BLTP2: variants seen among roughly 807,000 people sequenced by gnomAD.
The protein encoded by BLTP2 is bridge-like lipid transfer protein family member 2.
the BLTP2 span, chr17:28,632,036 A>G: frequency 1.2e-6 from 2 of 1,611,262 alleles, no homozygotes; most frequent in Non-Finnish European, 1.7e-6. Flanking sequence ...CAGCAGGGAC[A>G]TCAGTGCCTT....
At chr17:28,615,368 A>G in the BLTP2 span, 1 of 864,434 alleles carries the variant, frequency 1.2e-6, no homozygotes, top group Middle Eastern at 2.7e-4. Flanking sequence ...GGCAATTCAC[A>G]TACAATGGTC....
the BLTP2 span, chr17:28,634,508 A>C: frequency 6.2e-7 from 1 of 1,605,354 alleles, no homozygotes; most frequent in Non-Finnish European, 8.5e-7. Context: ...TAAAGGAAAC[A>C]CTACTTACCC....
chr17:28,620,705 T>G, the BLTP2 span: 1 of 1,530,530 alleles, frequency 6.5e-7, no homozygotes, highest in Non-Finnish European at 8.9e-7. Context: ...TAACCCACAT[T>G]TGGAACCACC....
At chr17:28,623,782 T>C in the BLTP2 span, 4 of 1,614,040 alleles carry the variant, frequency 2.5e-6, no homozygotes, top group Admixed American at 3.3e-5. Flanking sequence ...CTGTCGGCCA[T>C]CCTGCTCTGT....
At chr17:28,620,197 T>C in the BLTP2 span, 10 of 658,398 alleles carry the variant, frequency 1.5e-5, no homozygotes, top group Non-Finnish European at 2.3e-5. Flanking sequence ...GATTTCACAA[T>C]AGGTCAGGCC....
At chr17:28,645,149 G>T in the BLTP2 span, 1 of 1,049,044 alleles carries the variant, frequency 9.5e-7, no homozygotes, top group Non-Finnish European at 1.3e-6. Flanking sequence ...CCGACCAGCT[G>T]CGCGCGCAGG....
the BLTP2 span, among the ~76,000 whole-genome samples, chr17:28,618,475 C>T: frequency 6.6e-6 from 1 of 152,074 alleles, no homozygotes; most frequent in South Asian, 2.1e-4. Flanking sequence ...CTCAGCCTCC[C>T]AAAGTTATGG....
chr17:28,635,183 G>A, the BLTP2 span: 1 of 1,613,938 alleles, frequency 6.2e-7, no homozygotes, highest in African/African-American at 1.3e-5. Flanking sequence ...GGGTTCCGGT[G>A]GAGGATCATC....
the BLTP2 span, chr17:28,634,633 T>G: frequency 2.5e-6 from 4 of 1,614,056 alleles, no homozygotes; most frequent in Non-Finnish European, 3.4e-6. Flanking sequence ...TACCACATGC[T>G]CAGGACCATG....
chr17:28,631,608 G>C, the BLTP2 span: 5 of 1,613,934 alleles, frequency 3.1e-6, no homozygotes, highest in African/African-American at 2.7e-5. Flanking sequence ...TCAGGTGAAC[G>C]GTCACCTGAC....
chr17:28,642,326 A>G, the BLTP2 span: 21 of 1,614,044 alleles, frequency 1.3e-5, no homozygotes, highest in African/African-American at 2.1e-4. Context: ...AGCTCACCTC[A>G]CAGATTAGCC....
At chr17:28,623,159 AT>A in the BLTP2 span, among the ~76,000 whole-genome samples, 1 of 152,196 alleles carries the variant, frequency 6.6e-6, no homozygotes, top group Non-Finnish European at 1.5e-5. Context: ...AAAAAAAAAA[AT>A]AAGAGTACTT....
chr17:28,623,635 G>A, the BLTP2 span: 1 of 759,504 alleles, frequency 1.3e-6, no homozygotes, highest in South Asian at 1.8e-5. Context: ...CCACATTCAA[G>A]GTGTTATTAG....
the BLTP2 span, chr17:28,645,067 G>C: frequency 6.3e-7 from 1 of 1,586,078 alleles, no homozygotes; most frequent in Non-Finnish European, 8.6e-7. Flanking sequence ...TTAGGTCCGG[G>C]TCCGGCCCGG....
At chr17:28,629,084 AT>A in the BLTP2 span, among the ~76,000 whole-genome samples, 2 of 150,264 alleles carry the variant, frequency 1.3e-5, no homozygotes, top group South Asian at 2.1e-4. Flanking sequence ...TTCCTCTAAA[AT>A]TTTTTTTTTA....
the BLTP2 span, chr17:28,616,797 A>G: frequency 3.1e-6 from 5 of 1,613,142 alleles, no homozygotes; most frequent in Non-Finnish European, 3.4e-6. The surrounding 1 kb of genome is among the most constrained non-coding windows in gnomAD (Gnocchi z 4.8). Context: ...CTCAGATACC[A>G]TCATCAGTTT....
the BLTP2 span, chr17:28,631,433 CCTA>C: frequency 4.5e-6 from 7 of 1,544,612 alleles, no homozygotes; most frequent in Admixed American, 1.0e-4. Flanking sequence ...GGCTGAGATA[CCTA>C]CTAATATAAA....
the BLTP2 span, chr17:28,633,886 T>C: frequency 1.9e-6 from 3 of 1,613,702 alleles, no homozygotes; most frequent in African/African-American, 1.3e-5. Context: ...CTGCCTCATC[T>C]CTACTCACAG....
chr17:28,618,900 A>T, the BLTP2 span: 1 of 1,614,154 alleles, frequency 6.2e-7, no homozygotes, highest in Non-Finnish European at 8.5e-7. Flanking sequence ...GCGACGGACC[A>T]CACTCACATC....
Sources: allele counts gnomAD v4.1 joint callset (sites outside exome capture counted in the v4.1 genomes callset), GRCh38; gene constraint gnomAD v4.1.1; non-coding constraint Gnocchi (gnomAD v3.1); transcripts MANE v1.5; gene names NCBI Gene and HGNC (gene_info 2026-07-23, HGNC 2026-07-21).